TBCD: variants seen among roughly 807,000 people sequenced by gnomAD.
TBCD encodes the protein tubulin folding cofactor D.
A neutral mutation model predicts 169.3 loss-of-function variants in TBCD; 105 were observed. The ratio of observed to expected loss-of-function variants is 0.62; its 90% CI spans 0.53 to 0.73. The LOEUF (loss-of-function observed/expected upper bound fraction) is 0.73. TBCD is among the 30% of genes least tolerant of loss of function. The pLI is 0.00. For synonymous variants in TBCD, 700 were observed against 643.9 expected (o/e 1.09, Z -1.32); for missense variants, 1,444 against 1,600.1 (o/e 0.90, Z 1.66).
At position 82,933,113 on chromosome 17, in the gene TBCD, G is replaced by C. The variant is rs188862542; in HGVS notation, c.3191+378G>C. Among the ~76,000 whole-genome samples, 509 of 152,258 alleles carry C rather than the reference G, an allele frequency of 3.3e-3. 1 individual carries two copies. Among genetic ancestry groups the C allele is most frequent in the Middle Eastern group, 0.014 (4 of 294 alleles). ...GAGACTCGCAGGGGAGAGGGCAGAG[G>C]CCGGTGACCTGGCGAGGACTTGCCC... On this transcript the variant is annotated intron_variant, in intron 34 of 38. Transcript: ENST00000355528.
chr17:82,849,976 C>CTGTTGGCTGTGCTGT (rs1567886737), intron 13 of TBCD, among the ~76,000 whole-genome samples: 9 of 71,102 alleles, frequency 1.3e-4, no homozygotes, highest in African/African-American at 4.2e-4. Context: ...GGCTGTGCTG[C>CTGTTGGCTGTGCTGT]TGTTGGCTGT....
chr17:82,900,163 C>T (rs529999741), intron 17 of TBCD, among the ~76,000 whole-genome samples: 5 of 152,322 alleles, frequency 3.3e-5, no homozygotes, highest in East Asian at 1.9e-4. Context: ...ACCCTGGAGC[C>T]CCCCCATGTC....
chr17:82,834,157 A>G (rs923063837), intron 13 of TBCD, among the ~76,000 whole-genome samples: 1 of 152,130 alleles, frequency 6.6e-6, no homozygotes, highest in African/African-American at 2.4e-5. Context: ...CATGTGGGCC[A>G]GGCTGGTCTC....
chr17:82,939,202 ACCT>A (rs1438274702), intron 36 of TBCD, 162 bp from the exon 37 acceptor site: 5 of 653,802 alleles, frequency 7.6e-6, no homozygotes, highest in Admixed American at 2.5e-5. Context: ...CCTGGAAGGC[ACCT>A]CCTCTTGGTT....
rs1182027762 is a variant in TBCD at position 82,889,084 on chromosome 17, C to G, written c.1534-584C>G. On this transcript the variant is annotated intron_variant, in intron 15 of 38. Transcript: ENST00000355528. This position sits in a 1 kb window ranked among gnomAD's most constrained non-coding sequence, Gnocchi z 5.3. ...GCCCAGGTAACCTGCTCTGCCTGGT[C>G]GGTGCGCCTAAGGGGGGCAGGGTGT... 2.0e-5 allele frequency among the ~76,000 whole-genome samples: 3 copies of G among 152,198 alleles called. No individual in the cohort carries two copies. The highest frequency in any genetic ancestry group is 4.8e-5 in the African/African-American group (2 of 41,448).
chr17:82,752,417 CCGGGTTCGGCG>C, intron 1 of TBCD, 40 bp downstream of exon 1: 1 of 1,196,460 alleles, frequency 8.4e-7, no homozygotes, highest in Non-Finnish European at 1.0e-6. Context: ...CTCCCCCGGC[CCGGGTTCGGCG>C]CGCTGAGTGC....
intron 22 of TBCD, among the ~76,000 whole-genome samples, chr17:82,909,649 C>G (rs7223958): frequency 6.9e-6 from 1 of 145,580 alleles, no homozygotes; most frequent in South Asian, 2.2e-4. Flanking sequence ...ACCCGGCCCG[C>G]TGTGGGAGGC....
Position 82,782,776 on chromosome 17 carries a change from G to A in TBCD, c.771+1055G>A, listed in dbSNP as rs1016378840. On this transcript the variant is annotated intron_variant, in intron 7 of 38. Coordinates refer to ENST00000355528, the MANE Select transcript of TBCD (RefSeq NM_005993.5). The surrounding 1 kb of genome is among the most constrained non-coding windows in gnomAD (Gnocchi z 5.1). ...GCGGCATTGTCTTCCTATCCGCGGC[G>A]TTGTCTTCCTGTCTGTGGCGTCGTC... 1.3e-5 allele frequency among the ~76,000 whole-genome samples: 2 copies of A among 151,098 alleles called. No individual in the cohort carries two copies. The highest frequency in any genetic ancestry group is 2.0e-4 in the East Asian group (1 of 5,118).
chr17:82,921,562 C>T lies in TBCD; in HGVS notation c.2163C>T (p.Ser721=). Residue 721 remains serine (S), a synonymous_variant, in exon 25 of 39, where the codon TCC becomes TCT. Coordinates refer to ENST00000355528, the MANE Select transcript of TBCD (RefSeq NM_005993.5). The part of the protein sequence containing the change: ...LRHLHLISSH[S]RQQMKDAAVS... ...ATCTCCATCTCATCTCAAGTCACTC[C>T]CGCCAGCAGATGAAGGTACAGTGAG... 1 of 1,613,988 alleles carries T rather than the reference C, an allele frequency of 6.2e-7. No homozygotes were observed. Among genetic ancestry groups the T allele is most frequent in the Non-Finnish European group, 8.5e-7 (1 of 1,179,884 alleles).
rs544755618 is a variant in TBCD, at chr17:82,852,163, C to A, written c.1319-18061C>A. On this transcript the variant is annotated intron_variant, in intron 13 of 38. Transcript: ENST00000355528. ...CCCCCCGACAGATGGATAAACCCCCCCTCCTAGACACCACAGATGGGTTCT... is the reference window on the plus strand; with the variant it reads ...CCCCCCGACAGATGGATAAACCCCCACTCCTAGACACCACAGATGGGTTCT... Among the ~76,000 whole-genome samples, 4 of 138,914 alleles carry A rather than the reference C, an allele frequency of 2.9e-5. No individual in the cohort carries two copies. The South Asian group carries it at 8.4e-4, about 29-fold the overall frequency. The allele number at this position is 138,914 out of a possible 152,430, so 91.1% of individuals were successfully genotyped here.
chr17:82,888,702 G>A (rs2058924775), intron 15 of TBCD, among the ~76,000 whole-genome samples: 1 of 152,186 alleles, frequency 6.6e-6, no homozygotes, highest in African/African-American at 2.4e-5. Flanking sequence ...TGGGGGGTGG[G>A]GGCACAGACC....
At chr17:82,911,860 G>C in intron 23 of TBCD, 71 bp downstream of exon 23, 1 of 1,553,328 alleles carries the variant, frequency 6.4e-7, no homozygotes, top group East Asian at 2.3e-5. Context: ...GTGTGCTCGT[G>C]GCGTGCAGGG....
Position 82,833,868 on chromosome 17 carries a change from G to T in TBCD, c.1318+18934G>T, listed in dbSNP as rs895288333. 6.6e-6 allele frequency among the ~76,000 whole-genome samples: 1 copy of T among 152,208 alleles called. No individual in the cohort carries two copies. Among genetic ancestry groups the T allele is most frequent in the African/African-American group, 2.4e-5 (1 of 41,460 alleles). Reference sequence around the variant, plus strand: ...TGGCCTGCTCTTTTGGATTCTTCCAGAGGGTCTCTGTGTCCCCCTTACCAG... The same window carrying T: ...TGGCCTGCTCTTTTGGATTCTTCCATAGGGTCTCTGTGTCCCCCTTACCAG... On this transcript the variant is annotated intron_variant, in intron 13 of 38. Coordinates refer to ENST00000355528, the MANE Select transcript of TBCD (RefSeq NM_005993.5). This position sits in a 1 kb window ranked among gnomAD's most constrained non-coding sequence, Gnocchi z 4.7.
intron 3 of TBCD, among the ~76,000 whole-genome samples, chr17:82,764,380 C>T (rs1483940381): frequency 6.6e-6 from 1 of 152,198 alleles, no homozygotes; most frequent in African/African-American, 2.4e-5. Context: ...TGCGGTGGCT[C>T]ATGCCTGTAA....
chr17:82,790,673 G>T (rs2049653258), intron 7 of TBCD, among the ~76,000 whole-genome samples: 1 of 152,204 alleles, frequency 6.6e-6, no homozygotes, highest in Non-Finnish European at 1.5e-5. Context: ...CGCCGTCCGG[G>T]GGAGATGTGG....
chr17:82,772,560 G>T (rs2048361138), intron 6 of TBCD, 53 bp downstream of exon 6: 2 of 1,581,578 alleles, frequency 1.3e-6, no homozygotes, highest in African/African-American at 1.3e-5. Context: ...TCTGAGAGGG[G>T]TTTGTTTGGG....
Position 82,914,551 on chromosome 17 carries a change from G to A in TBCD, c.2038+2762G>A, listed in dbSNP as rs59108573. Among the ~76,000 whole-genome samples the A allele has an allele frequency of 7.2e-5, 11 of 152,310 alleles. No homozygotes were observed. The East Asian group carries it at 2.1e-3, about 29-fold the overall frequency. ...CTCCCTCACACCGCTGAGTGCAAAC[G>A]CGGCACTCCTGCACATGTCGCCTCG... is the stretch of plus-strand genomic sequence containing the variant. On this transcript the variant is annotated intron_variant, in intron 23 of 38. Transcript: ENST00000355528.
chr17:82,855,235 CTTTTT>C (rs58346723), intron 13 of TBCD, among the ~76,000 whole-genome samples: 4 of 54,030 alleles, frequency 7.4e-5, no homozygotes, highest in Admixed American at 3.4e-4. Context: ...AAGGTGTTTG[CTTTTT>C]TTTTTTTTTT....
intron 10 of TBCD, among the ~76,000 whole-genome samples, chr17:82,807,231 C>G (rs143608755): frequency 3.3e-5 from 5 of 152,242 alleles, no homozygotes; most frequent in Non-Finnish European, 5.9e-5. Context: ...GAGACGTCTT[C>G]GTGCAGCCGC....
Sources: gnomAD v4.1 joint callset for allele counts (sites outside exome capture counted in the v4.1 genomes callset) on GRCh38, gnomAD v4.1.1 for gene constraint, Gnocchi (gnomAD v3.1) non-coding constraint, MANE v1.5 for transcripts, NCBI Gene and HGNC (gene_info 2026-07-23, HGNC 2026-07-21) for gene names.